ABL2: variants seen among roughly 807,000 people sequenced by gnomAD.
ABL2 encodes the protein ABL proto-oncogene 2, non-receptor tyrosine kinase.
Under a neutral mutation model 107.7 loss-of-function variants are expected in ABL2, and 49 were observed. The ratio of observed to expected loss-of-function variants is 0.45; its 90% CI spans 0.36 to 0.58. The LOEUF (loss-of-function observed/expected upper bound fraction) is 0.58, where lower values mean the gene tolerates loss of function less well. ABL2 is among the 20% of genes least tolerant of loss of function. ABL2 has a pLI of 0.00. For missense variants in ABL2, 1,245 were observed against 1,457.0 expected, an observed-to-expected ratio of 0.85 and a Z score of 2.37; for synonymous variants, 549 against 548.6, an observed-to-expected ratio of 1.00 and a Z score of -0.01.
intron 1 of ABL2, among the ~76,000 whole-genome samples, chr1:179,135,600 G>T (rs1480129465): frequency 6.6e-6 from 1 of 150,544 alleles, no homozygotes; most frequent in African/African-American, 2.5e-5. Context: ...GGAGGGAGGT[G>T]GGGGGGTCAG....
At chr1:179,192,203 A>G (rs1293146257) in intron 1 of ABL2, among the ~76,000 whole-genome samples, 6 of 152,158 alleles carry the variant, frequency 3.9e-5, no homozygotes, top group Non-Finnish European at 2.9e-5. Flanking sequence ...CTCTCACTCT[A>G]CCAAAGGTAG....
intron 1 of ABL2, among the ~76,000 whole-genome samples, chr1:179,170,861 C>T (rs1659679379): frequency 6.6e-6 from 1 of 152,042 alleles, no homozygotes; most frequent in African/African-American, 2.4e-5. Flanking sequence ...TCCCAAAATG[C>T]TGGGATTACA....
Position 179,229,408 on chromosome 1 carries a change from G to A in ABL2, c.-11C>T, listed in dbSNP as rs1663425577. 1 of 1,499,380 alleles carries A rather than the reference G, an allele frequency of 6.7e-7. No homozygotes were observed. Among genetic ancestry groups the A allele is most frequent in the Non-Finnish European group, 8.8e-7 (1 of 1,135,120 alleles). The allele number at this position is 1,499,380 out of a possible 1,614,324, so 92.9% of individuals were successfully genotyped here. ...CACCTGCTGCCCCATCCCTGCTCTC[G>A]CGTACTCCCGCGCCCCCGCCGACCC... is the stretch of plus-strand genomic sequence containing the variant. On this transcript the variant is annotated 5_prime_UTR_variant, in exon 1 of 12. Transcript: ENST00000502732.
intron 1 of ABL2, among the ~76,000 whole-genome samples, chr1:179,150,803 G>T (rs952071212): frequency 6.6e-6 from 1 of 152,058 alleles, no homozygotes; most frequent in East Asian, 1.9e-4. Context: ...GAAAGAAAGT[G>T]TCAACGGATT....
intron 1 of ABL2, among the ~76,000 whole-genome samples, chr1:179,135,792 C>G (rs1210376836): frequency 1.4e-5 from 2 of 145,934 alleles, no homozygotes; most frequent in African/African-American, 5.1e-5. Flanking sequence ...GTCAGCCCCC[C>G]GCCCGGCCAG....
At chr1:179,193,218 G>A (rs2793810) in intron 1 of ABL2, among the ~76,000 whole-genome samples, 66,899 of 151,848 alleles carry the variant, frequency 0.44, 14,956 homozygotes, top group Admixed American at 0.51. Flanking sequence ...TAAAGTGCCC[G>A]AAGAAGTCAA....
chr1:179,168,199 G>A (rs1205985013), intron 1 of ABL2, among the ~76,000 whole-genome samples: 1 of 152,024 alleles, frequency 6.6e-6, no homozygotes, highest in Non-Finnish European at 1.5e-5. Context: ...GTTGTCCCAC[G>A]GTTTCCACAG....
intron 1 of ABL2, among the ~76,000 whole-genome samples, chr1:179,141,215 T>C (rs1657557561): frequency 6.6e-6 from 1 of 151,520 alleles, no homozygotes; most frequent in Non-Finnish European, 1.5e-5. Context: ...TGTCTGAGCC[T>C]GGGAGGTTGA....
chr1:179,160,568 A>AC (rs1342484796), intron 1 of ABL2, among the ~76,000 whole-genome samples: 4 of 152,154 alleles, frequency 2.6e-5, no homozygotes, highest in African/African-American at 9.7e-5. Context: ...GTCCAAGATT[A>AC]CACAGATTTG....
At chr1:179,185,956 T>C (rs1054462775) in intron 1 of ABL2, among the ~76,000 whole-genome samples, 1 of 151,968 alleles carries the variant, frequency 6.6e-6, no homozygotes, top group Non-Finnish European at 1.5e-5. Context: ...TAGAGAAAAT[T>C]AGCAATGGGC....
At chr1:179,144,352 C>A (rs181857080) in intron 1 of ABL2, among the ~76,000 whole-genome samples, 1 of 151,774 alleles carries the variant, frequency 6.6e-6, no homozygotes, top group Non-Finnish European at 1.5e-5. Flanking sequence ...CCCAGCTACT[C>A]GGGAGGCTGA....
In ABL2 at chr1:179,161,534, A is replaced by T. The variant is rs112344558; in HGVS notation, c.158-28160T>A. Reference sequence around the variant, plus strand: ...TGATCAGCCTGGGCAACATAGTGAGACCTCATCTCTACAAAAAATGAATAA... The same window carrying T: ...TGATCAGCCTGGGCAACATAGTGAGTCCTCATCTCTACAAAAAATGAATAA... On this transcript the variant is annotated intron_variant, in intron 1 of 11. Transcript: ENST00000502732. Among the ~76,000 whole-genome samples the T allele has an allele frequency of 2.9e-3, 438 of 152,182 alleles. 1 individual carries two copies. The highest frequency in any genetic ancestry group is 0.01 in the African/African-American group (423 of 41,512).
At chr1:179,207,599 A>G (rs1242577099) in intron 1 of ABL2, among the ~76,000 whole-genome samples, 1 of 152,228 alleles carries the variant, frequency 6.6e-6, no homozygotes, top group African/African-American at 2.4e-5. Context: ...AGAATTTTAC[A>G]TGTAATAATT....
rs1317528782 is a variant in ABL2, at chr1:179,105,140, G to A, written c.*2578C>T. On this transcript the variant is annotated 3_prime_UTR_variant, in exon 12 of 12. Coordinates refer to ENST00000502732, the MANE Select transcript of ABL2 (RefSeq NM_007314.4). ...CAAAAATCAATTCCATTTATATATC[G>A]TGCACCCACTGTAGGCAAGACAGCT... 2.6e-5 allele frequency: 6 copies of A among 229,152 alleles called. No homozygotes were observed. Among genetic ancestry groups the A allele is most frequent in the East Asian group, 1.2e-4 (2 of 16,132 alleles). 14.2% of individuals were successfully genotyped at this position (229,152 alleles called of 1,614,324 possible). A position where few individuals can be genotyped will look rare whatever the true frequency, so the allele number is the denominator to read the frequency against.
chr1:179,156,882 AAAATAAAT>A (rs143172971), intron 1 of ABL2, among the ~76,000 whole-genome samples: 52,509 of 141,838 alleles, frequency 0.37, 10,112 homozygotes, highest in African/African-American at 0.44. Context: ...AGTCTGTCTC[AAAATAAAT>A]AAATAAATAA....
intron 1 of ABL2, among the ~76,000 whole-genome samples, chr1:179,154,286 T>C (rs918786239): frequency 3.9e-5 from 6 of 152,252 alleles, no homozygotes; most frequent in Admixed American, 1.3e-4. Context: ...TTGTGATTTT[T>C]AAATGTTACA....
intron 3 of ABL2, among the ~76,000 whole-genome samples, chr1:179,127,213 A>C (rs1246805736): frequency 6.6e-6 from 1 of 152,248 alleles, no homozygotes. Context: ...AACAAACAAA[A>C]AAAAACACGG....
intron 3 of ABL2, among the ~76,000 whole-genome samples, chr1:179,127,952 T>C (rs1333456931): frequency 6.6e-6 from 1 of 151,568 alleles, no homozygotes; most frequent in Non-Finnish European, 1.5e-5. Context: ...GGAGAATTGC[T>C]TGAACCCGGG....
chr1:179,150,605 A>C (rs1658300573), intron 1 of ABL2, among the ~76,000 whole-genome samples: 2 of 152,228 alleles, frequency 1.3e-5, no homozygotes, highest in Non-Finnish European at 2.9e-5. Flanking sequence ...AAGTGGTCTC[A>C]TGAGATGGAA....
Sources: allele counts gnomAD v4.1 joint callset (sites outside exome capture counted in the v4.1 genomes callset), GRCh38; gene constraint gnomAD v4.1.1; transcripts MANE v1.5; gene names NCBI Gene and HGNC (gene_info 2026-07-23, HGNC 2026-07-21).